The following PUS10 variants were observed in gnomAD, a reference collection of about 807,000 sequenced individuals.
PUS10 encodes the protein tRNA pseudouridine synthase Pus10.
In PUS10, 59 loss-of-function variants were observed where a neutral mutation model predicts 75.0. The observed-to-expected ratio is 0.79, with a 90% confidence interval of 0.64 to 0.98. The LOEUF is 0.98. Ranked by LOEUF, PUS10 falls within the 50% of genes least tolerant of loss-of-function variation. The pLI, the probability that PUS10 is intolerant of heterozygous loss-of-function variation, is 0.00. For missense variants in PUS10, 650 were observed against 614.4 expected, an observed-to-expected ratio of 1.06 and a Z score of -0.61; for synonymous variants, 219 against 211.6, an observed-to-expected ratio of 1.03 and a Z score of -0.30.
Position 61,018,179 on chromosome 2 carries a change from T to C in PUS10, c.-187A>G. On this transcript the variant is annotated 5_prime_UTR_variant, in exon 1 of 18. Transcript: ENST00000316752. ...TTTGACAGAATGGCTTCTCTATCTT[T>C]AAAGCGTAGACTTTGGTCTGTAGCA... is the stretch of plus-strand genomic sequence containing the variant. The C allele has an allele frequency of 1.3e-6, 2 of 1,550,850 alleles. No homozygotes were observed. The highest frequency in any genetic ancestry group is 1.7e-6 in the Non-Finnish European group (2 of 1,146,890).
rs575438839 is a variant in PUS10, at chr2:60,974,969, A to AC, written c.469-3413dup. On this transcript the variant is annotated intron_variant, in intron 4 of 17. Transcript: ENST00000316752. ...AGAGGTTTCCAGCTGGCGAAGCAAC[A>AC]CCCCAAGGATCCCGTAACACCAGTG... 7.0e-4 allele frequency among the ~76,000 whole-genome samples: 106 copies of AC among 152,264 alleles called. 1 individual carries two copies. Among genetic ancestry groups the AC allele is most frequent in the East Asian group, 6.6e-3 (34 of 5,188 alleles).
chr2:60,972,925 G>T (rs1676776318), intron 4 of PUS10, among the ~76,000 whole-genome samples: 1 of 152,244 alleles, frequency 6.6e-6, no homozygotes, highest in East Asian at 1.9e-4. Flanking sequence ...TGTTTCCAGT[G>T]ATGGCAGTGT....
intron 17 of PUS10, among the ~76,000 whole-genome samples, chr2:60,943,717 T>C (rs964979290): frequency 2.6e-5 from 4 of 151,896 alleles, no homozygotes; most frequent in Middle Eastern, 3.4e-3. Flanking sequence ...TGTAAATTAA[T>C]GAGTGTTTTC....
chr2:60,969,808 C>T (rs976689823), intron 5 of PUS10, among the ~76,000 whole-genome samples: 7 of 152,062 alleles, frequency 4.6e-5, no homozygotes, highest in South Asian at 2.1e-4. Context: ...AATAAAAAGC[C>T]GGGAGCAGTG....
rs1039280143 is a variant in PUS10, at chr2:61,009,609, T to C, written c.127-594A>G. 1.5e-4 allele frequency among the ~76,000 whole-genome samples: 23 copies of C among 152,206 alleles called. 1 individual carries two copies. The highest frequency in any genetic ancestry group is 3.9e-4 in the Admixed American group (6 of 15,286). ...ATTTCCATATATTAATTGAAAGCCA[T>C]GCTCTACTATATTCCAGTTTGCCTA... is the stretch of plus-strand genomic sequence containing the variant. On this transcript the variant is annotated intron_variant, in intron 2 of 17. Coordinates refer to ENST00000316752, the MANE Select transcript of PUS10 (RefSeq NM_144709.4).
Position 60,942,398 on chromosome 2 carries a change from G to A in PUS10, c.1587C>T (p.Asp529=). ...TCTTTGTCTCCAAATTTGAAAGCTAGTCATCCAGAGCAGGTGGCCAGTCAA... is the reference window on the plus strand; with the variant it reads ...TCTTTGTCTCCAAATTTGAAAGCTAATCATCCAGAGCAGGTGGCCAGTCAA... The part of the protein sequence containing the change: ...VDVDWPPALD[D] The change falls in exon 18 of 18, where the codon GAC becomes GAT. Residue 529 remains aspartate (D), a synonymous_variant. Transcript: ENST00000316752. 1 of 1,613,394 alleles carries A rather than the reference G, an allele frequency of 6.2e-7. No individual in the cohort carries two copies. Among genetic ancestry groups the A allele is most frequent in the Non-Finnish European group, 8.5e-7 (1 of 1,179,296 alleles).
Position 61,000,670 on chromosome 2 carries a change from G to C in PUS10, c.468+5887C>G, listed in dbSNP as rs555858780. 3.9e-5 allele frequency among the ~76,000 whole-genome samples: 6 copies of C among 152,076 alleles called. No homozygotes were observed. The East Asian group carries it at 1.2e-3, about 29-fold the overall frequency. ...ACATCTCCCTCTTACCCTGACCTTT[G>C]TGGCCAACTTTCTTCCCCTTTGGAA... On this transcript the variant is annotated intron_variant, in intron 4 of 17. Coordinates refer to ENST00000316752, the MANE Select transcript of PUS10 (RefSeq NM_144709.4).
At chr2:60,951,731 C>T (rs1037606623) in intron 15 of PUS10, among the ~76,000 whole-genome samples, 2 of 152,184 alleles carry the variant, frequency 1.3e-5, no homozygotes, top group African/African-American at 4.8e-5. Flanking sequence ...CCTAACAGGT[C>T]ACCAGCTGGT....
chr2:60,963,161 C>T (rs974690557), intron 8 of PUS10, among the ~76,000 whole-genome samples: 2 of 152,202 alleles, frequency 1.3e-5, no homozygotes, highest in African/African-American at 4.8e-5. Flanking sequence ...GTCTTCTTCA[C>T]CACACTGTCC....
Position 60,961,567 on chromosome 2 carries a change from T to C in PUS10, c.789-19A>G. The C allele has an allele frequency of 6.3e-7, 1 of 1,587,470 alleles. No individual in the cohort carries two copies. Among genetic ancestry groups the C allele is most frequent in the Non-Finnish European group, 8.7e-7 (1 of 1,155,880 alleles). On this transcript the variant is annotated intron_variant, in intron 9 of 17. Coordinates refer to ENST00000316752, the MANE Select transcript of PUS10 (RefSeq NM_144709.4). The stretch of plus-strand genomic sequence containing the variant: ...AAACTGCCTGCAAAACAAAATAAAT[T>C]TTATAGCTATTTTCCAGACATAATA...
intron 16 of PUS10, among the ~76,000 whole-genome samples, chr2:60,946,400 T>C (rs1240723976): frequency 6.6e-6 from 1 of 152,224 alleles, no homozygotes; most frequent in Non-Finnish European, 1.5e-5. Flanking sequence ...GGCTAATACC[T>C]TAAGTACATG....
At chr2:61,012,853 AAAAAAAAAAAAAAAATATAT>A (rs1679698928) in intron 1 of PUS10, among the ~76,000 whole-genome samples, 1 of 100,226 alleles carries the variant, frequency 1.0e-5, no homozygotes, top group Non-Finnish European at 2.1e-5. Flanking sequence ...AAAAAAAAAA[AAAAAAAAAAAAAAAATATAT>A]ATATATATAT....
At position 61,012,834 on chromosome 2, in the gene PUS10, C is replaced by CAA. The variant is rs70959885; in HGVS notation, c.-15-931_-15-930dup. Among the ~76,000 whole-genome samples, 101 of 30,166 alleles carry CAA rather than the reference C, an allele frequency of 3.3e-3. 6 individuals carry two copies. The highest frequency in any genetic ancestry group is 5.0e-3 in the East Asian group (4 of 808). The allele number at this position is 30,166 out of a possible 152,430, so 19.8% of individuals were successfully genotyped here. A position where few individuals can be genotyped will look rare whatever the true frequency, so the allele number is the denominator to read the frequency against. ...GGGCAACAAGGGAGAAACTCCGTCT[C>CAA]AAAAAAAAAAAAAAAAAAAAAAAAA... is the stretch of plus-strand genomic sequence containing the variant. On this transcript the variant is annotated intron_variant, in intron 1 of 17. Transcript: ENST00000316752.
At chr2:60,995,319 T>G (rs908048111) in intron 4 of PUS10, among the ~76,000 whole-genome samples, 1 of 152,234 alleles carries the variant, frequency 6.6e-6, no homozygotes, top group Non-Finnish European at 1.5e-5. Context: ...AAAGGGGTTT[T>G]ATCTTGCTCC....
chr2:61,012,671 A>C (rs1679680160), intron 1 of PUS10, among the ~76,000 whole-genome samples: 2 of 141,860 alleles, frequency 1.4e-5, no homozygotes, highest in South Asian at 2.2e-4. Context: ...TAAAAATACA[A>C]AAAAAAAAAA....
Position 60,948,109 on chromosome 2 carries a change from T to C in PUS10, c.1385A>G (p.His462Arg), listed in dbSNP as rs776157178. ...ATCCACGTACTGTGTCTCCATGAAGTGAATGACGCGAGCTCGCACAGCCAG... is the reference window on the plus strand; with the variant it reads ...ATCCACGTACTGTGTCTCCATGAAGCGAATGACGCGAGCTCGCACAGCCAG... ...RPLAVRARVI[H>R]FMETQYVDEH... The change falls in exon 16 of 18, where the codon CAC (histidine) becomes CGC (arginine). Residue 462 changes from histidine (H) to arginine (R), a missense_variant. Coordinates refer to ENST00000316752, the MANE Select transcript of PUS10 (RefSeq NM_144709.4). The C allele has an allele frequency of 1.9e-6, 3 of 1,613,978 alleles. No homozygotes were observed. Among genetic ancestry groups the C allele is most frequent in the Non-Finnish European group, 2.5e-6 (3 of 1,179,986 alleles).
At chr2:60,986,738 T>C (rs974435846) in intron 4 of PUS10, among the ~76,000 whole-genome samples, 2 of 152,180 alleles carry the variant, frequency 1.3e-5, no homozygotes, top group African/African-American at 4.8e-5. Context: ...TCCAGGGACT[T>C]GCCTAAGTAG....
Position 60,965,492 on chromosome 2 carries a change from T to G in PUS10, c.616-8A>C, listed in dbSNP as rs1436645635. 6.3e-7 allele frequency: 1 copy of G among 1,592,784 alleles called. No individual in the cohort carries two copies. Among genetic ancestry groups the G allele is most frequent in the Non-Finnish European group, 8.5e-7 (1 of 1,172,118 alleles). The stretch of plus-strand genomic sequence containing the variant: ...ACTCACTTCAAACAAGCTCTAAAAA[T>G]TATAAAGACAGTTTAAAAATGAGCA... On this transcript the variant is annotated splice_region_variant and splice_polypyrimidine_tract_variant and intron_variant, in intron 6 of 17. Coordinates refer to ENST00000316752, the MANE Select transcript of PUS10 (RefSeq NM_144709.4).
rs986178518 is a variant in PUS10, at chr2:60,941,725, C to T, written c.*670G>A. 6.6e-6 allele frequency: 1 copy of T among 152,106 alleles called. No individual in the cohort carries two copies. The highest frequency in any genetic ancestry group is 2.4e-5 in the African/African-American group (1 of 41,382). The allele number at this position is 152,106 out of a possible 1,614,324, so 9.4% of individuals were successfully genotyped here. A position where few individuals can be genotyped will look rare whatever the true frequency, so the allele number is the denominator to read the frequency against. On this transcript the variant is annotated 3_prime_UTR_variant, in exon 18 of 18. Coordinates refer to ENST00000316752, the MANE Select transcript of PUS10 (RefSeq NM_144709.4). ...GCTCCTACCATGGCATGCCTTGGCT[C>T]CTACGGTTTTACTTTCCCTCCACAG...
Sources: allele counts gnomAD v4.1 joint callset (sites outside exome capture counted in the v4.1 genomes callset), GRCh38; gene constraint gnomAD v4.1.1; transcripts MANE v1.5; gene names NCBI Gene and HGNC (gene_info 2026-07-23, HGNC 2026-07-21).